CTNNA3: variants seen among roughly 807,000 people sequenced by gnomAD.
CTNNA3 encodes catenin alpha 3.
CTNNA3 carries 76 observed loss-of-function variants against 95.7 expected under a neutral mutation model. The ratio of observed to expected loss-of-function variants is 0.79; its 90% CI spans 0.66 to 0.96. CTNNA3 has a LOEUF of 0.96. CTNNA3 is among the 40% of genes least tolerant of loss of function. CTNNA3 has a pLI of 0.00. For synonymous variants in CTNNA3, 431 were observed against 374.4 expected (o/e 1.15, Z -1.74); for missense variants, 1,191 against 1,089.8 (o/e 1.09, Z -1.31).
intron 3 of CTNNA3, among the ~76,000 whole-genome samples, chr10:67,587,307 G>A (rs1842664678): frequency 6.6e-6 from 1 of 151,326 alleles, no homozygotes; most frequent in Non-Finnish European, 1.5e-5. Context: ...TGATGCTACT[G>A]CTTAGGCTTC....
At chr10:67,002,330 C>A (rs546415195) in intron 7 of CTNNA3, among the ~76,000 whole-genome samples, 4 of 152,140 alleles carry the variant, frequency 2.6e-5, no homozygotes, top group Non-Finnish European at 4.4e-5. Flanking sequence ...TACTAATTCT[C>A]AGAGCAGTGC....
intron 7 of CTNNA3, among the ~76,000 whole-genome samples, chr10:67,007,406 T>C (rs1852061345): frequency 6.6e-6 from 1 of 152,148 alleles, no homozygotes; most frequent in Non-Finnish European, 1.5e-5. Flanking sequence ...CTGACTTTTT[T>C]TTTTTAACAT....
At chr10:66,984,981 T>C (rs1181678009) in intron 7 of CTNNA3, among the ~76,000 whole-genome samples, 3 of 152,134 alleles carry the variant, frequency 2.0e-5, no homozygotes, top group Admixed American at 1.3e-4. Flanking sequence ...CAATCCTCTC[T>C]CTTCTTCACT....
intron 5 of CTNNA3, among the ~76,000 whole-genome samples, chr10:67,280,777 C>T (rs1373261914): frequency 6.6e-6 from 1 of 152,134 alleles, no homozygotes; most frequent in Non-Finnish European, 1.5e-5. Flanking sequence ...AAATCATTTA[C>T]AATCCCTCAA....
intron 7 of CTNNA3, among the ~76,000 whole-genome samples, chr10:66,895,054 C>CAAAAAAAAAAA (rs537843933): frequency 4.0e-4 from 46 of 115,500 alleles, no homozygotes; most frequent in African/African-American, 1.1e-3. Flanking sequence ...AACAAATAAA[C>CAAAAAAAAAAA]AAAAAAAAAA....
chr10:67,365,492 T>C (rs1843175335), intron 5 of CTNNA3, among the ~76,000 whole-genome samples: 1 of 152,144 alleles, frequency 6.6e-6, no homozygotes, highest in South Asian at 2.1e-4. Context: ...AAAGGGCTAA[T>C]ATCCAGAATC....
At chr10:66,548,293 T>C (rs1842101068) in intron 10 of CTNNA3, among the ~76,000 whole-genome samples, 3 of 152,190 alleles carry the variant, frequency 2.0e-5, no homozygotes, top group Non-Finnish European at 4.4e-5. Context: ...TTCTAGTACA[T>C]AGAATTGCAA....
chr10:67,671,580 A>G (rs1038113401), intron 1 of CTNNA3, among the ~76,000 whole-genome samples: 1 of 150,642 alleles, frequency 6.6e-6, no homozygotes, highest in African/African-American at 2.5e-5. Context: ...TCATTGTTCA[A>G]TTCCCACCTA....
At chr10:67,497,207 T>A (rs140283157) in intron 5 of CTNNA3, among the ~76,000 whole-genome samples, 5,607 of 152,252 alleles carry the variant, frequency 0.037, 229 homozygotes, top group Admixed American at 0.12. Context: ...CCTGTAATAG[T>A]TTGCTGAGAA....
chr10:66,671,168 G>T (rs1183586321), intron 9 of CTNNA3, among the ~76,000 whole-genome samples: 1 of 152,122 alleles, frequency 6.6e-6, no homozygotes, highest in Non-Finnish European at 1.5e-5. Context: ...ATTTACTAGA[G>T]AAACATTAGT....
chr10:67,193,590 T>C (rs545985876), intron 6 of CTNNA3, among the ~76,000 whole-genome samples: 1 of 152,058 alleles, frequency 6.6e-6, no homozygotes, highest in East Asian at 1.9e-4. Context: ...GAGAATGCAG[T>C]ATTTGGTTTT....
At chr10:67,035,741 G>T (rs570570069) in intron 7 of CTNNA3, among the ~76,000 whole-genome samples, 2 of 152,166 alleles carry the variant, frequency 1.3e-5, no homozygotes, top group Admixed American at 1.3e-4. Flanking sequence ...TCACAGAAAT[G>T]CTTTCACTGT....
chr10:66,216,438 A>G (rs1206303175), intron 13 of CTNNA3, among the ~76,000 whole-genome samples: 1 of 152,196 alleles, frequency 6.6e-6, no homozygotes, highest in African/African-American at 2.4e-5. Context: ...GAGGAACTGG[A>G]TATGTCAGCC....
At chr10:67,498,140 G>A (rs1328167863) in intron 5 of CTNNA3, among the ~76,000 whole-genome samples, 1 of 152,140 alleles carries the variant, frequency 6.6e-6, no homozygotes, top group Non-Finnish European at 1.5e-5. Flanking sequence ...TCCAGTTTCA[G>A]TTTTATGCAT....
intron 7 of CTNNA3, among the ~76,000 whole-genome samples, chr10:66,782,237 CA>C (rs1372276360): frequency 6.6e-6 from 1 of 152,026 alleles, no homozygotes; most frequent in Non-Finnish European, 1.5e-5. Context: ...AAAGGGTATA[CA>C]AAGCTGGCAA....
At chr10:65,922,979 C>CTCATGAGAACTCACTA (rs1564517572) in intron 17 of CTNNA3, among the ~76,000 whole-genome samples, 1 of 152,068 alleles carries the variant, frequency 6.6e-6, no homozygotes, top group Non-Finnish European at 1.5e-5. Flanking sequence ...AACCATCGAT[C>CTCATGAGAACTCACTA]TCATGAGAAC....
intron 11 of CTNNA3, among the ~76,000 whole-genome samples, chr10:66,474,235 C>A (rs1398054714): frequency 6.6e-6 from 1 of 152,014 alleles, no homozygotes; most frequent in Non-Finnish European, 1.5e-5. Context: ...CTCTACACTC[C>A]CTAGCCTCTG....
intron 11 of CTNNA3, among the ~76,000 whole-genome samples, chr10:66,414,720 A>G (rs892357131): frequency 3.9e-5 from 6 of 152,100 alleles, no homozygotes; most frequent in African/African-American, 1.4e-4. Context: ...GAGAAGCATT[A>G]GGCTGCTGCT....
At chr10:66,415,749 CA>C (rs1301359513) in intron 11 of CTNNA3, among the ~76,000 whole-genome samples, 1 of 151,576 alleles carries the variant, frequency 6.6e-6, no homozygotes, top group African/African-American at 2.4e-5. Flanking sequence ...TGTTTGTAGC[CA>C]AAAAAATCAA....
Sources: allele counts gnomAD v4.1 joint callset (sites outside exome capture counted in the v4.1 genomes callset), GRCh38; gene constraint gnomAD v4.1.1; transcripts MANE v1.5; gene names NCBI Gene and HGNC (gene_info 2026-07-23, HGNC 2026-07-21).